The following PXK variants were observed in gnomAD, a reference collection of about 807,000 sequenced individuals.
PXK encodes the protein PX domain-containing protein kinase-like protein.
A neutral mutation model predicts 84.7 loss-of-function variants in PXK; 35 were observed. That is an observed-to-expected ratio of 0.41 (90% CI 0.32 to 0.55). The LOEUF (loss-of-function observed/expected upper bound fraction) is 0.55. PXK is among the 20% of genes least tolerant of loss of function. The probability of loss-of-function intolerance (pLI) is 0.21; values close to 1 mark genes in which losing one functional copy is unlikely to be tolerated. For missense variants in PXK, 634 were observed against 699.7 expected (o/e 0.91, Z 1.06); for synonymous variants, 253 against 260.8 (o/e 0.97, Z 0.29).
In PXK at chr3:58,411,545, C is replaced by T. The variant is rs2060206821; in HGVS notation, c.1466-1356C>T. On this transcript the variant is annotated intron_variant, in intron 16 of 17. Coordinates refer to ENST00000356151, the MANE Select transcript of PXK (RefSeq NM_017771.5). The surrounding 1 kb of genome is among the most constrained non-coding windows in gnomAD (Gnocchi z 4.2). ...CATTATTATACTGAGACTCATGATTCCAACCAGCAGTCATTCTGTCCAGTA... is the reference window on the plus strand; with the variant it reads ...CATTATTATACTGAGACTCATGATTTCAACCAGCAGTCATTCTGTCCAGTA... Among the ~76,000 whole-genome samples, 1 of 152,110 alleles carries T rather than the reference C, an allele frequency of 6.6e-6. No individual in the cohort carries two copies. Among genetic ancestry groups the T allele is most frequent in the Admixed American group, 6.5e-5 (1 of 15,270 alleles).
chr3:58,418,218 A>G (rs531692850), intron 17 of PXK, among the ~76,000 whole-genome samples: 100 of 152,330 alleles, frequency 6.6e-4, no homozygotes, highest in African/African-American at 2.4e-3. Flanking sequence ...AATATATTTG[A>G]AGCACTTATT....
rs1227197928 is a variant in PXK, at chr3:58,400,298, C to G, written c.1181+921C>G. ...GAATCAGCTGATCTTTTTTGAATAT[C>G]ACACACCATGCAGTGTATCTGGTGC... On this transcript the variant is annotated intron_variant, in intron 12 of 17. Transcript: ENST00000356151. This position sits in a 1 kb window ranked among gnomAD's most constrained non-coding sequence, Gnocchi z 4.0. 6.6e-6 allele frequency among the ~76,000 whole-genome samples: 1 copy of G among 152,132 alleles called. No individual in the cohort carries two copies. Among genetic ancestry groups the G allele is most frequent in the African/African-American group, 2.4e-5 (1 of 41,424 alleles).
chr3:58,424,388 C>T (rs994190249), intron 17 of PXK, among the ~76,000 whole-genome samples: 6 of 152,210 alleles, frequency 3.9e-5, no homozygotes, highest in Admixed American at 2.6e-4. Context: ...GACAGAGCTT[C>T]CTGGGACCTG....
At chr3:58,347,498 C>CT (rs1266487950) in intron 1 of PXK, among the ~76,000 whole-genome samples, 41 of 152,152 alleles carry the variant, frequency 2.7e-4, no homozygotes, top group Admixed American at 2.2e-3. Flanking sequence ...ACAATATAGT[C>CT]TTTTTTTGGT....
intron 16 of PXK, 23 bp downstream of exon 16, chr3:58,410,182 G>C: frequency 2.0e-6 from 3 of 1,525,398 alleles, no homozygotes; most frequent in Non-Finnish European, 2.7e-6. Context: ...AGATGGTAGT[G>C]GGGCCCAGGA....
intron 3 of PXK, among the ~76,000 whole-genome samples, chr3:58,381,603 G>A (rs36097398): frequency 0.076 from 10,902 of 144,192 alleles, 519 homozygotes; most frequent in South Asian, 0.11. Context: ...GGAAAAGTAA[G>A]CATGGCTCTA....
intron 1 of PXK, among the ~76,000 whole-genome samples, chr3:58,334,335 A>G (rs529428845): frequency 1.3e-5 from 2 of 152,158 alleles, no homozygotes; most frequent in African/African-American, 4.8e-5. Context: ...CTTTAATCCT[A>G]TTCTGTAGAC....
At chr3:58,396,609 A>G (rs1348645622) in intron 9 of PXK, among the ~76,000 whole-genome samples, 3 of 152,230 alleles carry the variant, frequency 2.0e-5, no homozygotes, top group Non-Finnish European at 4.4e-5. Flanking sequence ...GAGAGACTGA[A>G]CTAGAGATGT....
At position 58,364,077 on chromosome 3, in the gene PXK, A is replaced by T. The variant is rs1559933047; in HGVS notation, c.103-1797A>T. 6.6e-6 allele frequency among the ~76,000 whole-genome samples: 1 copy of T among 152,180 alleles called. No individual in the cohort carries two copies. Among genetic ancestry groups the T allele is most frequent in the Non-Finnish European group, 1.5e-5 (1 of 68,030 alleles). ...AATGGTGAACCAGCCTTGAGTCCCT[A>T]GAATGAGACCCACTTGGTCATGGTA... On this transcript the variant is annotated intron_variant, in intron 1 of 17. Transcript: ENST00000356151. This position sits in a 1 kb window ranked among gnomAD's most constrained non-coding sequence, Gnocchi z 4.3.
intron 17 of PXK, among the ~76,000 whole-genome samples, chr3:58,418,856 G>GA (rs1379937097): frequency 6.6e-6 from 1 of 152,222 alleles, no homozygotes; most frequent in Non-Finnish European, 1.5e-5. Context: ...CAGAGGAAGA[G>GA]GTGTGGGAGC....
At chr3:58,367,708 G>A (rs1041483488) in intron 2 of PXK, among the ~76,000 whole-genome samples, 4 of 151,952 alleles carry the variant, frequency 2.6e-5, no homozygotes, top group African/African-American at 9.7e-5. Context: ...TTTGAGATAG[G>A]GTTTTGCTCT....
In PXK at chr3:58,412,840, G is replaced by C; in HGVS notation, c.1466-61G>C. The C allele has an allele frequency of 6.4e-7, 1 of 1,566,754 alleles. No individual in the cohort carries two copies. Among genetic ancestry groups the C allele is most frequent in the Non-Finnish European group, 8.8e-7 (1 of 1,137,064 alleles). ...CTCAGACAGCAGTGGGTCCCAGCCT[G>C]GGCCAAATTCCAAATGTCTTTCGTT... On this transcript the variant is annotated intron_variant, in intron 16 of 17. Transcript: ENST00000356151. The surrounding 1 kb of genome is among the most constrained non-coding windows in gnomAD (Gnocchi z 6.2).
In PXK at chr3:58,379,419, T is replaced by A. The variant is rs12152336; in HGVS notation, c.202-3095T>A. The A allele has an allele frequency of 0.29, 45,203 of 154,496 alleles. 7,420 individuals are homozygous for A. Among genetic ancestry groups the A allele is most frequent in the Middle Eastern group, 0.4 (154 of 388 alleles). 9.6% of individuals were successfully genotyped at this position (154,496 alleles called of 1,614,324 possible). A position where few individuals can be genotyped will look rare whatever the true frequency, so the allele number is the denominator to read the frequency against. ...CTCTGCTTTTTCTAAATTTCACTAC[T>A]CACATCCCACAACATTATCTTCCCA... On this transcript the variant is annotated intron_variant, in intron 3 of 17. Coordinates refer to ENST00000356151, the MANE Select transcript of PXK (RefSeq NM_017771.5). This position sits in a 1 kb window ranked among gnomAD's most constrained non-coding sequence, Gnocchi z 5.1.
rs1356532699 is a variant in PXK, at chr3:58,383,231, G to A, written c.388+531G>A. On this transcript the variant is annotated intron_variant, in intron 4 of 17. Coordinates refer to ENST00000356151, the MANE Select transcript of PXK (RefSeq NM_017771.5). This position sits in a 1 kb window ranked among gnomAD's most constrained non-coding sequence, Gnocchi z 4.0. The stretch of plus-strand genomic sequence containing the variant: ...CGCTTGAACCCGGGAGGTGGAGGTT[G>A]CAGTGAGCCGAGATAGCACCACTGC... Among the ~76,000 whole-genome samples the A allele has an allele frequency of 6.6e-6, 1 of 152,174 alleles. No homozygotes were observed. The highest frequency in any genetic ancestry group is 1.5e-5 in the Non-Finnish European group (1 of 68,038).
chr3:58,414,982 T>G lies in PXK; in HGVS notation c.1528+2019T>G, dbSNP rs1200882887. Among the ~76,000 whole-genome samples the G allele has an allele frequency of 6.6e-6, 1 of 152,190 alleles. No homozygotes were observed. The highest frequency in any genetic ancestry group is 1.5e-5 in the Non-Finnish European group (1 of 68,020). ...TGTGCTTGGCCCTGGGTTACAGAAA[T>G]GGCTAGACAAGGCCCTAGCTCTCAT... On this transcript the variant is annotated intron_variant, in intron 17 of 17. Transcript: ENST00000356151. This position sits in a 1 kb window ranked among gnomAD's most constrained non-coding sequence, Gnocchi z 4.5.
intron 1 of PXK, among the ~76,000 whole-genome samples, chr3:58,342,075 T>A (rs1055702845): frequency 2.6e-5 from 4 of 152,034 alleles, no homozygotes; most frequent in Admixed American, 2.0e-4. Flanking sequence ...GTTTTTTTTT[T>A]AAACCTACAA....
chr3:58,380,789 AAAGT>A (rs1394215419), intron 3 of PXK, among the ~76,000 whole-genome samples: 2 of 145,894 alleles, frequency 1.4e-5, no homozygotes, highest in East Asian at 1.9e-4. Flanking sequence ...ACTCTGTCTC[AAAGT>A]AAGTAAGTAA....
intron 12 of PXK, among the ~76,000 whole-genome samples, chr3:58,403,436 C>T (rs1219155751): frequency 6.6e-6 from 1 of 152,188 alleles, no homozygotes; most frequent in Non-Finnish European, 1.5e-5. Flanking sequence ...TTTCTACTTA[C>T]TTGAACATTT....
At chr3:58,351,360 T>C (rs899539564) in intron 1 of PXK, among the ~76,000 whole-genome samples, 2 of 151,496 alleles carry the variant, frequency 1.3e-5, no homozygotes, top group Non-Finnish European at 2.9e-5. Context: ...CCCAAATAGC[T>C]GAGACTACAG....
Sources: gnomAD v4.1 joint callset for allele counts (sites outside exome capture counted in the v4.1 genomes callset) on GRCh38, gnomAD v4.1.1 for gene constraint, Gnocchi (gnomAD v3.1) non-coding constraint, MANE v1.5 for transcripts, NCBI Gene and HGNC (gene_info 2026-07-23, HGNC 2026-07-21) for gene names.